The following FRMD4B variants were observed in gnomAD, a reference collection of about 807,000 sequenced individuals.
FRMD4B encodes FERM domain-containing protein 4B.
In FRMD4B, 74 loss-of-function variants were observed where a neutral mutation model predicts 141.5. The observed-to-expected ratio is 0.52, with a 90% CI of 0.43 to 0.63. The LOEUF (loss-of-function observed/expected upper bound fraction) is 0.63. Among genes scored for constraint, FRMD4B ranks in the 30% least tolerant of loss-of-function variants. FRMD4B has a pLI of 0.00. For missense variants in FRMD4B, 1,366 were observed against 1,253.4 expected, an observed-to-expected ratio of 1.09 and a Z score of -1.36; for synonymous variants, 506 against 467.9, an observed-to-expected ratio of 1.08 and a Z score of -1.05.
At chr3:69,191,450 A>C (rs60163276) in intron 17 of FRMD4B, among the ~76,000 whole-genome samples, 21 of 152,228 alleles carry the variant, frequency 1.4e-4, no homozygotes, top group African/African-American at 5.1e-4. Flanking sequence ...AAACAAAAAA[A>C]CAAACGTATT....
intron 5 of FRMD4B, among the ~76,000 whole-genome samples, chr3:69,285,055 C>T (rs868419411): frequency 1.1e-4 from 16 of 151,984 alleles, no homozygotes; most frequent in East Asian, 1.9e-4. Context: ...CCCAGCTACT[C>T]GGGAGGCTGA....
chr3:69,280,009 G>A (rs1437058790), intron 5 of FRMD4B, among the ~76,000 whole-genome samples: 1 of 151,988 alleles, frequency 6.6e-6, no homozygotes, highest in South Asian at 2.1e-4. Flanking sequence ...AAAAAAAAGG[G>A]GGTGTGGTGG....
intron 1 of FRMD4B, among the ~76,000 whole-genome samples, chr3:69,362,992 T>TA (rs11305538): frequency 6.7e-6 from 1 of 150,028 alleles, no homozygotes; most frequent in African/African-American, 2.4e-5. Flanking sequence ...CTTTTTACAG[T>TA]AAAAAAAAAA....
At chr3:69,214,759 G>A (rs1448368282) in intron 11 of FRMD4B, among the ~76,000 whole-genome samples, 1 of 152,100 alleles carries the variant, frequency 6.6e-6, no homozygotes, top group African/African-American at 2.4e-5. Context: ...CTACTTGGGA[G>A]GCTGAGGTGG....
At chr3:69,356,945 T>C (rs1703341297) in intron 1 of FRMD4B, among the ~76,000 whole-genome samples, 1 of 152,224 alleles carries the variant, frequency 6.6e-6, no homozygotes. Flanking sequence ...CTGGTTCTGA[T>C]TTTTAAACAA....
At chr3:69,197,494 G>A (rs926314684) in intron 12 of FRMD4B, among the ~76,000 whole-genome samples, 1 of 151,412 alleles carries the variant, frequency 6.6e-6, no homozygotes, top group Non-Finnish European at 1.5e-5. Context: ...TGCACTTAAC[G>A]ATAATGGCTG....
rs192659380 is a variant in FRMD4B at position 69,527,885 on chromosome 3, T to C, written c.-129+14321A>G. 1.5e-3 allele frequency among the ~76,000 whole-genome samples: 231 copies of C among 152,342 alleles called. 2 individuals are homozygous for C. Among genetic ancestry groups the C allele is most frequent in the Admixed American group, 0.013 (200 of 15,302 alleles). ...CACCAGTGGTAATTTAGGGTTCTGA[T>C]AGCTTCTCACAAAATGCCCCACAAA... On this transcript the variant is annotated intron_variant, in intron 1 of 5. Transcript: ENST00000459638.
chr3:69,242,058 G>T (rs1575648606), intron 7 of FRMD4B, among the ~76,000 whole-genome samples: 1 of 152,130 alleles, frequency 6.6e-6, no homozygotes, highest in South Asian at 2.1e-4. Flanking sequence ...GACAATGACA[G>T]TGCCATCAAA....
chr3:69,367,529 ATTGACAATTATCTGGGCCAATATTT>A (rs1396942838), intron 1 of FRMD4B, among the ~76,000 whole-genome samples: 4 of 27,676 alleles, frequency 1.4e-4, no homozygotes, highest in Middle Eastern at 0.02. Flanking sequence ...AAAATATATC[ATTGACAATTATCTGGGCCAATATTT>A]TTGTTTTTAC....
intron 7 of FRMD4B, among the ~76,000 whole-genome samples, chr3:69,236,271 C>G (rs2093345344): frequency 1.3e-5 from 2 of 151,424 alleles, no homozygotes; most frequent in South Asian, 4.2e-4. Flanking sequence ...CTCTGTTGCC[C>G]AGGCTGGAGT....
At chr3:69,285,397 CAAAA>C (rs56161837) in intron 5 of FRMD4B, among the ~76,000 whole-genome samples, 3 of 98,930 alleles carry the variant, frequency 3.0e-5, no homozygotes, top group Admixed American at 1.1e-4. Flanking sequence ...TACATGAGGC[CAAAA>C]AAAAAAAAAA....
At chr3:69,221,181 T>C (rs1366621172) in intron 9 of FRMD4B, among the ~76,000 whole-genome samples, 1 of 152,134 alleles carries the variant, frequency 6.6e-6, no homozygotes, top group Non-Finnish European at 1.5e-5. Flanking sequence ...CAGGCTGGCA[T>C]CGAACCTCTG....
intron 7 of FRMD4B, among the ~76,000 whole-genome samples, chr3:69,238,477 A>G (rs72929583): frequency 0.035 from 5,388 of 152,224 alleles, 332 homozygotes; most frequent in African/African-American, 0.12. Context: ...GCACTTGCCT[A>G]TGTTCAATAA....
At chr3:69,426,357 G>A (rs1705078289) in intron 2 of FRMD4B, among the ~76,000 whole-genome samples, 2 of 151,702 alleles carry the variant, frequency 1.3e-5, no homozygotes, top group Non-Finnish European at 2.9e-5. Context: ...TGTGTGTGTT[G>A]GGTAAAGGAT....
At chr3:69,182,868 C>T (rs1190462373) in intron 19 of FRMD4B, among the ~76,000 whole-genome samples, 151 bp from the exon 20 acceptor site, 1 of 151,848 alleles carries the variant, frequency 6.6e-6, no homozygotes, top group East Asian at 1.9e-4. Flanking sequence ...TTCACTAAAC[C>T]ACAAAGAAAA....
chr3:69,421,983 C>T (rs1236554251), intron 2 of FRMD4B, among the ~76,000 whole-genome samples: 1 of 152,254 alleles, frequency 6.6e-6, no homozygotes, highest in Non-Finnish European at 1.5e-5. Context: ...GAGTTCCCTT[C>T]AGTTGCATTT....
intron 11 of FRMD4B, among the ~76,000 whole-genome samples, chr3:69,203,407 A>C (rs1415640069): frequency 6.6e-6 from 1 of 151,670 alleles, no homozygotes; most frequent in Non-Finnish European, 1.5e-5. Context: ...CATGGTCCTT[A>C]TATTTCAGAT....
intron 1 of FRMD4B, among the ~76,000 whole-genome samples, chr3:69,486,129 T>C (rs1706211353): frequency 6.6e-6 from 1 of 152,252 alleles, no homozygotes; most frequent in Admixed American, 6.5e-5. Flanking sequence ...AGCCTGGCTT[T>C]GAATTTTTCC....
intron 18 of FRMD4B, 39 bp downstream of exon 18, chr3:69,189,857 A>G: frequency 8.2e-7 from 1 of 1,221,612 alleles, no homozygotes; most frequent in Non-Finnish European, 1.2e-6. Flanking sequence ...ATTTCAGAAT[A>G]TCTAACATTT....
Sources: allele counts gnomAD v4.1 joint callset (sites outside exome capture counted in the v4.1 genomes callset), GRCh38; gene constraint gnomAD v4.1.1; transcripts MANE v1.5; gene names NCBI Gene and HGNC (gene_info 2026-07-23, HGNC 2026-07-21).